Variants in CDH13 observed in about 807,000 individuals in gnomAD.
CDH13 encodes cadherin 13.
Under a neutral mutation model 63.8 loss-of-function variants are expected in CDH13, and 24 were observed. The observed-to-expected ratio is 0.38, with a 90% CI of 0.27 to 0.53. CDH13 has a LOEUF of 0.53. CDH13 is among the 20% of genes least tolerant of loss of function. The pLI, the probability that CDH13 is intolerant of heterozygous loss-of-function variation, is 0.85. For missense variants in CDH13, 1,049 were observed against 903.1 expected (o/e 1.16, Z -2.07); for synonymous variants, 503 against 355.3 (o/e 1.42, Z -4.67).
chr16:83,691,056 G>T (rs1267197400), intron 10 of CDH13, among the ~76,000 whole-genome samples: 1 of 149,532 alleles, frequency 6.7e-6, no homozygotes, highest in Admixed American at 6.8e-5. Context: ...ACAGGGATTT[G>T]CTAACCAACT....
intron 4 of CDH13, among the ~76,000 whole-genome samples, chr16:83,142,745 A>G (rs1597407648): frequency 6.6e-6 from 1 of 151,812 alleles, no homozygotes; most frequent in African/African-American, 2.4e-5. Flanking sequence ...CTCTCAATAA[A>G]TATTTTTTGA....
chr16:83,779,406 CAAAAAAAAAAA>C (rs144757645), intron 11 of CDH13, among the ~76,000 whole-genome samples: 9 of 82,580 alleles, frequency 1.1e-4, no homozygotes, highest in African/African-American at 4.5e-4. Context: ...GACTCCATCT[CAAAAAAAAAAA>C]AAAAAAAAAA....
intron 2 of CDH13, among the ~76,000 whole-genome samples, chr16:82,980,358 C>T (rs1378609937): frequency 6.6e-6 from 1 of 152,132 alleles, no homozygotes; most frequent in Middle Eastern, 3.2e-3. Context: ...AAAGACCAAT[C>T]TCCAGGGACC....
At chr16:83,187,520 G>A (rs1448714783) in intron 4 of CDH13, among the ~76,000 whole-genome samples, 1 of 152,054 alleles carries the variant, frequency 6.6e-6, no homozygotes, top group East Asian at 1.9e-4. Context: ...CTGGCCTGAA[G>A]CCTCAGGGAC....
chr16:83,142,091 C>G (rs1046802619), intron 4 of CDH13, among the ~76,000 whole-genome samples: 2 of 151,684 alleles, frequency 1.3e-5, no homozygotes, highest in African/African-American at 4.8e-5. Context: ...CCGAAACGGG[C>G]TATCTGGTGA....
chr16:82,899,341 A>G (rs2151238777), intron 2 of CDH13, among the ~76,000 whole-genome samples: 1 of 152,344 alleles, frequency 6.6e-6, no homozygotes, highest in South Asian at 2.1e-4. Context: ...TATTCTTTTA[A>G]TAATTCATTG....
rs117656760 is a variant in CDH13, at chr16:82,899,847, C to T, written c.157+41374C>T. Among the ~76,000 whole-genome samples the T allele has an allele frequency of 1.2e-3, 185 of 152,266 alleles. 7 individuals carry two copies. In the East Asian group the frequency reaches 0.032, roughly 27 times the overall value. ...GGATTGAGAAGTAGAGTTCTCTTTG[C>T]TGTTATTTCTCCATAATAGGCCCAT... On this transcript the variant is annotated intron_variant, in intron 2 of 13. Coordinates refer to ENST00000567109, the MANE Select transcript of CDH13 (RefSeq NM_001257.5).
At chr16:82,880,203 A>C (rs922448196) in intron 2 of CDH13, among the ~76,000 whole-genome samples, 10 of 152,210 alleles carry the variant, frequency 6.6e-5, no homozygotes, top group African/African-American at 1.7e-4. Flanking sequence ...CTTTGCAATG[A>C]GAGGCCTTTG....
At chr16:83,134,349 C>G (rs901100536) in intron 4 of CDH13, among the ~76,000 whole-genome samples, 1 of 152,080 alleles carries the variant, frequency 6.6e-6, no homozygotes, top group Admixed American at 6.5e-5. Flanking sequence ...GCCACCATGC[C>G]CAGTTAATTT....
chr16:83,233,186 C>T (rs370127160), intron 5 of CDH13, among the ~76,000 whole-genome samples: 20 of 152,292 alleles, frequency 1.3e-4, no homozygotes, highest in African/African-American at 4.3e-4. Context: ...GACAAAATTG[C>T]TTTTCTTTCC....
chr16:83,217,586 C>A, intron 5 of CDH13, 89 bp downstream of exon 5: 2 of 1,353,176 alleles, frequency 1.5e-6, no homozygotes, highest in South Asian at 1.4e-5. Flanking sequence ...TATTTCTGTG[C>A]CTCATCAAAC....
At chr16:82,781,281 A>G (rs1015147867) in intron 1 of CDH13, among the ~76,000 whole-genome samples, 2 of 152,196 alleles carry the variant, frequency 1.3e-5, no homozygotes, top group Non-Finnish European at 2.9e-5. Context: ...AGCATTCTCT[A>G]TATTCGTCCA....
intron 10 of CDH13, among the ~76,000 whole-genome samples, chr16:83,679,976 A>G (rs1915273326): frequency 6.6e-6 from 1 of 152,168 alleles, no homozygotes; most frequent in Non-Finnish European, 1.5e-5. Flanking sequence ...TCCTACTAAG[A>G]TGGGACAGAC....
chr16:83,173,852 T>C (rs1242756976), intron 4 of CDH13, among the ~76,000 whole-genome samples: 2 of 152,072 alleles, frequency 1.3e-5, no homozygotes, highest in African/African-American at 2.4e-5. Context: ...TCCTTCATTC[T>C]GCCACCCTGG....
At chr16:82,760,525 T>A (rs1397545381) in intron 1 of CDH13, among the ~76,000 whole-genome samples, 1 of 152,176 alleles carries the variant, frequency 6.6e-6, no homozygotes, top group East Asian at 1.9e-4. Context: ...TGGACCCTGT[T>A]TACAAAAATG....
intron 8 of CDH13, among the ~76,000 whole-genome samples, chr16:83,650,348 T>C (rs989938469): frequency 1.3e-5 from 2 of 152,252 alleles, no homozygotes; most frequent in South Asian, 4.1e-4. Context: ...TGAATGTTTT[T>C]CTGGCAACAT....
intron 1 of CDH13, among the ~76,000 whole-genome samples, chr16:82,736,658 G>T (rs2151045738): frequency 6.6e-6 from 1 of 152,194 alleles, no homozygotes; most frequent in Non-Finnish European, 1.5e-5. Flanking sequence ...GTCTCCCATG[G>T]TTAATACGAT....
At chr16:82,635,312 C>G (rs1908520357) in intron 1 of CDH13, among the ~76,000 whole-genome samples, 1 of 152,028 alleles carries the variant, frequency 6.6e-6, no homozygotes, top group African/African-American at 2.4e-5. Context: ...ATGCTTCAGC[C>G]CAAATCTGGA....
At chr16:83,146,092 G>C (rs989994224) in intron 4 of CDH13, among the ~76,000 whole-genome samples, 4 of 151,816 alleles carry the variant, frequency 2.6e-5, no homozygotes, top group Admixed American at 2.0e-4. Context: ...TACTCAGAAG[G>C]CTGGGGCAGG....
Sources: allele counts gnomAD v4.1 joint callset (sites outside exome capture counted in the v4.1 genomes callset), GRCh38; gene constraint gnomAD v4.1.1; transcripts MANE v1.5; gene names NCBI Gene and HGNC (gene_info 2026-07-23, HGNC 2026-07-21).